ADAM12: variants seen among roughly 807,000 people sequenced by gnomAD.
The protein encoded by ADAM12 is ADAM metallopeptidase domain 12, also known as disintegrin and metalloproteinase domain-containing protein 12.
ADAM12 carries 70 observed loss-of-function variants against 106.4 expected under a neutral mutation model. That is an observed-to-expected ratio of 0.66 (90% CI 0.54 to 0.80). The LOEUF (loss-of-function observed/expected upper bound fraction) is 0.80, where lower values mean the gene tolerates loss of function less well. Among genes scored for constraint, ADAM12 ranks in the 30% least tolerant of loss-of-function variants. The probability of loss-of-function intolerance (pLI) is 0.00; values close to 1 mark genes in which losing one functional copy is unlikely to be tolerated. For synonymous variants in ADAM12, 420 were observed against 433.5 expected, an observed-to-expected ratio of 0.97 and a Z score of 0.39; for missense variants, 1,010 against 1,171.9, an observed-to-expected ratio of 0.86 and a Z score of 2.02.
At chr10:126,205,093 A>G (rs1957771904) in intron 3 of ADAM12, among the ~76,000 whole-genome samples, 3 of 152,094 alleles carry the variant, frequency 2.0e-5, no homozygotes, top group Admixed American at 6.5e-5. Context: ...CATAGCTAAT[A>G]CTGTGTGATC....
Position 126,049,557 on chromosome 10 carries a change from A to G in ADAM12, c.1718+4T>C, listed in dbSNP as rs1954420302. The G allele has an allele frequency of 1.9e-6, 3 of 1,614,078 alleles. No homozygotes were observed. Among genetic ancestry groups the G allele is most frequent in the Admixed American group, 1.7e-5 (1 of 60,012 alleles). On this transcript the variant is annotated splice_donor_region_variant and intron_variant, in intron 15 of 22. Transcript: ENST00000448723. The surrounding 1 kb of genome is among the most constrained non-coding windows in gnomAD (Gnocchi z 4.4). Reference sequence around the variant, plus strand: ...GACTTTGCCAGGATGTCTGGATTCCATACCTCATCTCGCATTTGGCAAAGG... The same window carrying G: ...GACTTTGCCAGGATGTCTGGATTCCGTACCTCATCTCGCATTTGGCAAAGG...
intron 3 of ADAM12, among the ~76,000 whole-genome samples, chr10:126,213,709 A>G (rs1957940170): frequency 6.6e-6 from 1 of 152,230 alleles, no homozygotes; most frequent in Admixed American, 6.5e-5. Context: ...ATAAGTGAAA[A>G]TACATATTTC....
chr10:126,285,203 G>A lies in ADAM12; in HGVS notation c.187-6215C>T, dbSNP rs544239389. On this transcript the variant is annotated intron_variant, in intron 2 of 22. Coordinates refer to ENST00000448723, the MANE Select transcript of ADAM12 (RefSeq NM_001288973.2). ...GATGCTGGGTAGGAGAGAAGGAAAG[G>A]GTTCTGCTGCAAGAGAAGCATTATA... Among the ~76,000 whole-genome samples, 63 of 152,308 alleles carry A rather than the reference G, an allele frequency of 4.1e-4. 1 individual carries two copies. Among genetic ancestry groups the A allele is most frequent in the Middle Eastern group, 3.4e-3 (1 of 294 alleles).
At chr10:126,311,967 G>A (rs1564725622) in intron 2 of ADAM12, among the ~76,000 whole-genome samples, 1 of 152,088 alleles carries the variant, frequency 6.6e-6, no homozygotes, top group Admixed American at 6.5e-5. Context: ...AGAGAAGTGT[G>A]GGTCACCTGG....
At chr10:126,088,846 G>A (rs907834992) in intron 11 of ADAM12, among the ~76,000 whole-genome samples, 1 of 152,070 alleles carries the variant, frequency 6.6e-6, no homozygotes, top group Non-Finnish European at 1.5e-5. Context: ...AAATGTAATC[G>A]AATGGGCCAG....
Position 126,015,580 on chromosome 10 carries a change from C to T in ADAM12, c.*1699G>A, listed in dbSNP as rs757585048. ...TTCCCTTTTGTGTGTGTTTGTGTCA[C>T]GTGTTTAGTTTATCCATAGTCATGA... On this transcript the variant is annotated 3_prime_UTR_variant, in exon 23 of 23. Coordinates refer to ENST00000448723, the MANE Select transcript of ADAM12 (RefSeq NM_001288973.2). 5.9e-5 allele frequency: 9 copies of T among 152,090 alleles called. No homozygotes were observed. Among genetic ancestry groups the T allele is most frequent in the Non-Finnish European group, 8.8e-5 (6 of 68,028 alleles). The allele number at this position is 152,090 out of a possible 1,614,324, so 9.4% of individuals were successfully genotyped here. A position where few individuals can be genotyped will look rare whatever the true frequency, so the allele number is the denominator to read the frequency against.
At chr10:126,255,040 G>T (rs966534129) in intron 3 of ADAM12, among the ~76,000 whole-genome samples, 2 of 152,142 alleles carry the variant, frequency 1.3e-5, no homozygotes, top group Admixed American at 6.5e-5. Flanking sequence ...CTCGGAGCAC[G>T]GCTTTCCTGC....
At position 126,019,710 on chromosome 10, in the gene ADAM12, C is replaced by T. The variant is rs770041154; in HGVS notation, c.2645G>A (p.Arg882His). ...RTPGQWETGL[R>H]LAPLRPAPQY... is the part of the protein sequence containing the mutation. ...TCACACAAACCTGAGGGGTGCCAGG[C>T]GGAGCCCAGTCTCCCATTGTCCTGG... Residue 882 changes from arginine (R) to histidine (H), a missense_variant, in exon 22 of 23, where the codon CGC becomes CAC. Physicochemically the swap from Arg to His is conservative, Grantham distance 29. Coordinates refer to ENST00000448723, the MANE Select transcript of ADAM12 (RefSeq NM_001288973.2). 9 of 1,613,760 alleles carry T rather than the reference C, an allele frequency of 5.6e-6. No homozygotes were observed. The highest frequency in any genetic ancestry group is 3.3e-5 in the South Asian group (3 of 91,000).
intron 2 of ADAM12, among the ~76,000 whole-genome samples, chr10:126,295,538 CACACACACAT>C (rs1960330660): frequency 6.7e-6 from 1 of 148,854 alleles, no homozygotes; most frequent in Non-Finnish European, 1.5e-5. Flanking sequence ...AAAATACACA[CACACACACAT>C]ACACACACAC....
At chr10:126,387,767 T>C (rs72830728) in intron 1 of ADAM12, among the ~76,000 whole-genome samples, 12,509 of 152,032 alleles carry the variant, frequency 0.082, 781 homozygotes, top group East Asian at 0.26. Flanking sequence ...CAGAGACATC[T>C]GCAAATGTCA....
chr10:126,042,796 G>A (rs7919338), intron 18 of ADAM12, among the ~76,000 whole-genome samples: 49,628 of 152,156 alleles, frequency 0.33, 8,796 homozygotes, highest in African/African-American at 0.44. Flanking sequence ...GAAAAGTGTC[G>A]CAGGCTAAGG....
intron 3 of ADAM12, among the ~76,000 whole-genome samples, chr10:126,206,863 G>GT (rs374628687): frequency 1.4e-5 from 2 of 147,926 alleles, no homozygotes; most frequent in Non-Finnish European, 3.0e-5. Context: ...GTGGGGGCGG[G>GT]GGGGAGCCAG....
chr10:126,290,653 A>T (rs1226246978), intron 2 of ADAM12, among the ~76,000 whole-genome samples: 2 of 152,182 alleles, frequency 1.3e-5, no homozygotes, highest in Non-Finnish European at 2.9e-5. Context: ...CACCCTTTTC[A>T]TGCTTTTTAT....
At chr10:126,086,706 T>TATATAA (rs1421464288) in intron 11 of ADAM12, among the ~76,000 whole-genome samples, 6 of 65,186 alleles carry the variant, frequency 9.2e-5, no homozygotes, top group African/African-American at 2.3e-4. Flanking sequence ...TATATATATA[T>TATATAA]AAAATAAAAT....
intron 1 of ADAM12, among the ~76,000 whole-genome samples, chr10:126,354,398 G>C (rs1855467643): frequency 6.6e-6 from 1 of 152,148 alleles, no homozygotes; most frequent in African/African-American, 2.4e-5. Flanking sequence ...TCTGGAAGTA[G>C]GGGGATGAGA....
intron 10 of ADAM12, among the ~76,000 whole-genome samples, chr10:126,095,635 T>G (rs73376602): frequency 0.019 from 2,870 of 151,080 alleles, 97 homozygotes; most frequent in African/African-American, 0.065. Flanking sequence ...GCATTCATGG[T>G]TTATCATGAG....
intron 21 of ADAM12, among the ~76,000 whole-genome samples, chr10:126,029,689 C>T (rs1479234736): frequency 6.6e-6 from 1 of 152,248 alleles, no homozygotes; most frequent in South Asian, 2.1e-4. Context: ...GCACATCCTG[C>T]ACATGTACCC....
At chr10:126,382,480 G>C (rs996672723) in intron 1 of ADAM12, among the ~76,000 whole-genome samples, 2 of 152,246 alleles carry the variant, frequency 1.3e-5, no homozygotes, top group African/African-American at 4.8e-5. Flanking sequence ...TCAGTTCACA[G>C]GCCCTAGAGC....
chr10:126,081,237 G>T (rs1000868438), intron 11 of ADAM12, among the ~76,000 whole-genome samples: 1 of 152,164 alleles, frequency 6.6e-6, no homozygotes, highest in African/African-American at 2.4e-5. Context: ...AGGAGTGGAA[G>T]TGACCGAGGA....
Sources: gnomAD v4.1 joint callset for allele counts (sites outside exome capture counted in the v4.1 genomes callset) on GRCh38, gnomAD v4.1.1 for gene constraint, Gnocchi (gnomAD v3.1) non-coding constraint, MANE v1.5 for transcripts, NCBI Gene and HGNC (gene_info 2026-07-23, HGNC 2026-07-21) for gene names.